Variants in OR3A2 observed in about 807,000 individuals in gnomAD.
OR3A2 encodes olfactory receptor family 3 subfamily A member 2.
For synonymous variants in OR3A2, 126 were observed against 159.3 expected (o/e 0.79, Z 1.57); for missense variants, 318 against 392.8 (o/e 0.81, Z 1.61).
intron 2 of OR3A2, among the ~76,000 whole-genome samples, chr17:3,354,039 T>C (rs2150655453): frequency 6.6e-6 from 1 of 151,860 alleles, no homozygotes; most frequent in African/African-American, 2.4e-5. Context: ...CACTTAGTTA[T>C]GATGAGTAAT....
At chr17:3,290,487 T>C (rs1008788160) in intron 3 of OR3A2, among the ~76,000 whole-genome samples, 2 of 152,172 alleles carry the variant, frequency 1.3e-5, no homozygotes, top group Admixed American at 6.6e-5. Context: ...TTTCTCTTTA[T>C]CTCTATCTTA....
At chr17:3,278,067 A>G (rs781577788) in exon 2 of OR3A2, 1 of 1,614,204 alleles carries the variant, frequency 6.2e-7, no homozygotes, top group South Asian at 1.1e-5. Context: ...CATAGGGTTG[A>G]TAACAGTGTT....
chr17:3,375,239 TTTTTTTCC>T (rs2049672895), intron 2 of OR3A2, among the ~76,000 whole-genome samples: 2 of 77,124 alleles, frequency 2.6e-5, no homozygotes, highest in African/African-American at 7.5e-5. Flanking sequence ...TCTTTTTTTT[TTTTTTTCC>T]CCCCCTTTTT....
rs991607868 is a variant in OR3A2 at position 3,327,807 on chromosome 17, A to G, written c.-85+8226T>C. Reference sequence around the variant, plus strand: ...CAGTTTTCCCAGCACCATTTATTAAATAGGGAATCCTTTCCCCATTGCTTG... The same window carrying G: ...CAGTTTTCCCAGCACCATTTATTAAGTAGGGAATCCTTTCCCCATTGCTTG... On this transcript the variant is annotated intron_variant, in intron 3 of 4. Transcript: ENST00000573491. 2.7e-3 allele frequency among the ~76,000 whole-genome samples: 382 copies of G among 139,780 alleles called. 6 individuals are homozygous for G. Among genetic ancestry groups the G allele is most frequent in the Middle Eastern group, 0.017 (5 of 288 alleles). 91.7% of individuals were successfully genotyped at this position (139,780 alleles called of 152,430 possible). A position where few individuals can be genotyped will look rare whatever the true frequency, so the allele number is the denominator to read the frequency against.
At chr17:3,304,840 TACATGCTACA>T (rs1467965291) in intron 3 of OR3A2, among the ~76,000 whole-genome samples, 4 of 152,166 alleles carry the variant, frequency 2.6e-5, no homozygotes, top group African/African-American at 4.8e-5. Flanking sequence ...AAACTATTGA[TACATGCTACA>T]ACATGAATGA....
chr17:3,307,148 G>C (rs2049006205), intron 3 of OR3A2, among the ~76,000 whole-genome samples: 1 of 152,224 alleles, frequency 6.6e-6, no homozygotes, highest in Non-Finnish European at 1.5e-5. Context: ...GCTATGGGAA[G>C]ACAGAGGAAG....
At chr17:3,339,186 CTAAA>C (rs2049295204) in intron 2 of OR3A2, among the ~76,000 whole-genome samples, 1 of 152,190 alleles carries the variant, frequency 6.6e-6, no homozygotes, top group Admixed American at 6.5e-5. Context: ...AAGGGGTTTT[CTAAA>C]TATATAATCA....
chr17:3,308,401 C>A (rs146847185), intron 3 of OR3A2, among the ~76,000 whole-genome samples: 21 of 152,238 alleles, frequency 1.4e-4, no homozygotes, highest in African/African-American at 5.1e-4. Context: ...TGAGTCTCAT[C>A]TCAAGACTCC....
At chr17:3,285,286 G>C (rs949174316), upstream of OR3A2, among the ~76,000 whole-genome samples, 1 of 152,098 alleles carries the variant, frequency 6.6e-6, no homozygotes. Flanking sequence ...GGGAGTTGTG[G>C]TGCAGTAGAA....
chr17:3,292,069 A>G, intron 3 of OR3A2: 1 of 1,614,240 alleles, frequency 6.2e-7, no homozygotes, highest in Non-Finnish European at 8.5e-7. Context: ...TTGGGGCCAC[A>G]GAAGTTGAGC....
At chr17:3,360,815 C>T (rs1333919730) in intron 2 of OR3A2, among the ~76,000 whole-genome samples, 1 of 151,662 alleles carries the variant, frequency 6.6e-6, no homozygotes, top group Non-Finnish European at 1.5e-5. Context: ...GTTTTGGTTA[C>T]TGTAACCTTG....
intron 2 of OR3A2, among the ~76,000 whole-genome samples, chr17:3,372,827 G>A (rs1379749095): frequency 7.1e-6 from 1 of 141,306 alleles, no homozygotes; most frequent in Non-Finnish European, 1.5e-5. Context: ...AGAGGGAGAG[G>A]GAGAGGGAGG....
chr17:3,340,680 C>G (rs1403211283), intron 2 of OR3A2, among the ~76,000 whole-genome samples: 1 of 152,148 alleles, frequency 6.6e-6, no homozygotes, highest in African/African-American at 2.4e-5. Context: ...TGCTTTACTT[C>G]CAACTATGTG....
intron 2 of OR3A2, among the ~76,000 whole-genome samples, chr17:3,356,948 A>T (rs1284411658): frequency 1.3e-5 from 2 of 151,710 alleles, no homozygotes; most frequent in Admixed American, 6.6e-5. Flanking sequence ...CATGATTTCA[A>T]GTGTAATTTT....
At chr17:3,310,496 G>A (rs142396146) in intron 3 of OR3A2, 4 of 535,604 alleles carry the variant, frequency 7.5e-6, no homozygotes, top group Non-Finnish European at 1.2e-5. Context: ...ACAGCCCCAT[G>A]TACTTCTTCC....
intron 2 of OR3A2, among the ~76,000 whole-genome samples, chr17:3,346,392 G>A (rs2049364087): frequency 6.6e-6 from 1 of 152,050 alleles, no homozygotes; most frequent in Non-Finnish European, 1.5e-5. Flanking sequence ...GTGAATCCTA[G>A]GCCTCATGCT....
intron 2 of OR3A2, among the ~76,000 whole-genome samples, chr17:3,343,117 GC>G (rs1400503477): frequency 6.6e-6 from 1 of 152,166 alleles, no homozygotes; most frequent in East Asian, 1.9e-4. Context: ...CTGGAAAAGT[GC>G]AGTATCTAGG....
chr17:3,385,893 T>C, intron 1 of OR3A2: 2 of 398,626 alleles, frequency 5.0e-6, no homozygotes, highest in Non-Finnish European at 8.8e-6. Flanking sequence ...GGCTGCCTCC[T>C]CCCTCCCCTC....
intron 3 of OR3A2, among the ~76,000 whole-genome samples, chr17:3,293,489 A>C (rs28390110): frequency 0.015 from 2,221 of 152,298 alleles, 43 homozygotes; most frequent in African/African-American, 0.05. Context: ...CATGTCTTAG[A>C]CTTGCAAGAT....
Sources: gnomAD v4.1 joint callset for allele counts (sites outside exome capture counted in the v4.1 genomes callset) on GRCh38, gnomAD v4.1.1 for gene constraint, MANE v1.5 for transcripts, NCBI Gene and HGNC (gene_info 2026-07-23, HGNC 2026-07-21) for gene names.